Variants in TMTC2 observed in about 807,000 individuals in gnomAD.
TMTC2 encodes the protein transmembrane O-mannosyltransferase targeting cadherins 2.
Under a neutral mutation model 82.4 loss-of-function variants are expected in TMTC2, and 43 were observed. That is an observed-to-expected ratio of 0.52 (90% confidence interval 0.41 to 0.67). The LOEUF (loss-of-function observed/expected upper bound fraction) is 0.67. Ranked by LOEUF, TMTC2 falls within the 30% of genes least tolerant of loss-of-function variation. The pLI, the probability that TMTC2 is intolerant of heterozygous loss-of-function variation, is 0.00. For synonymous variants in TMTC2, 408 were observed against 381.9 expected, an observed-to-expected ratio of 1.07 and a Z score of -0.80; for missense variants, 919 against 1,012.4, an observed-to-expected ratio of 0.91 and a Z score of 1.25.
intron 1 of TMTC2, among the ~76,000 whole-genome samples, chr12:82,774,633 A>AT (rs1211938967): frequency 0.037 from 4,907 of 130,968 alleles, 181 homozygotes; most frequent in African/African-American, 0.089. Flanking sequence ...AAAAAGAACA[A>AT]TTTTTTTTTT....
intron 11 of TMTC2, 52 bp downstream of exon 11, chr12:83,061,883 A>G (rs1293194478): frequency 1.2e-5 from 17 of 1,384,324 alleles, no homozygotes; most frequent in Non-Finnish European, 1.7e-5. Context: ...CTCCAAGCAT[A>G]TGATAGGTGT....
intron 8 of TMTC2, among the ~76,000 whole-genome samples, chr12:82,991,462 A>T (rs1879400663): frequency 6.6e-6 from 1 of 152,190 alleles, no homozygotes; most frequent in Non-Finnish European, 1.5e-5. Flanking sequence ...CATGAACATA[A>T]GACTTCAGTT....
chr12:83,010,666 C>T (rs1042165843), intron 8 of TMTC2, among the ~76,000 whole-genome samples: 31 of 152,086 alleles, frequency 2.0e-4, no homozygotes, highest in Non-Finnish European at 4.4e-4. Context: ...GGATCTAGAC[C>T]AAACCCCTGT....
intron 11 of TMTC2, among the ~76,000 whole-genome samples, chr12:83,109,836 A>AGCAT (rs1884539474): frequency 6.6e-6 from 1 of 152,206 alleles, no homozygotes; most frequent in South Asian, 2.1e-4. Context: ...TGCATCCTGA[A>AGCAT]GCATGAATAA....
At chr12:82,981,216 G>T (rs1878900626) in intron 7 of TMTC2, among the ~76,000 whole-genome samples, 1 of 151,744 alleles carries the variant, frequency 6.6e-6, no homozygotes, top group Non-Finnish European at 1.5e-5. Context: ...TAAAAATTAG[G>T]AAATCTATAC....
intron 10 of TMTC2, among the ~76,000 whole-genome samples, chr12:83,055,806 T>G (rs1186098487): frequency 6.6e-6 from 1 of 151,950 alleles, no homozygotes; most frequent in Non-Finnish European, 1.5e-5. Flanking sequence ...TCTGTCTGCC[T>G]GGCACTATAC....
chr12:82,980,541 A>G (rs1276900802), intron 7 of TMTC2, among the ~76,000 whole-genome samples: 1 of 151,782 alleles, frequency 6.6e-6, no homozygotes, highest in Non-Finnish European at 1.5e-5. Flanking sequence ...TCAGTGTATT[A>G]GGGGCTGGAA....
chr12:83,112,798 A>G (rs1884638344), intron 11 of TMTC2, among the ~76,000 whole-genome samples: 2 of 152,210 alleles, frequency 1.3e-5, no homozygotes, highest in Non-Finnish European at 2.9e-5. Flanking sequence ...GCTTTAGTAT[A>G]GTCAAATATT....
chr12:82,751,650 TAAA>T (rs1876014550), intron 1 of TMTC2, among the ~76,000 whole-genome samples: 1 of 152,166 alleles, frequency 6.6e-6, no homozygotes, highest in South Asian at 2.1e-4. Flanking sequence ...CAATGGCTAA[TAAA>T]GAAATCATGG....
chr12:82,926,378 T>G (rs1875717734), intron 3 of TMTC2, among the ~76,000 whole-genome samples: 2 of 152,170 alleles, frequency 1.3e-5, no homozygotes, highest in Admixed American at 1.3e-4. Flanking sequence ...TCTCTTCAAT[T>G]CTATGAAGGC....
At chr12:83,025,593 A>G (rs988708018) in intron 8 of TMTC2, among the ~76,000 whole-genome samples, 1 of 152,084 alleles carries the variant, frequency 6.6e-6, no homozygotes, top group Non-Finnish European at 1.5e-5. Flanking sequence ...TTAAATTCTG[A>G]CACTAAACAG....
chr12:82,827,644 CTTCT>C lies in TMTC2; in HGVS notation c.84-29359_84-29356del, dbSNP rs146267840. ...CTGTGCTCAGTATAAGGATGAACAT[CTTCT>C]TTCTTTTTTCTTTTCTTTTCTTTTC... On this transcript the variant is annotated intron_variant, in intron 1 of 11. Transcript: ENST00000321196. Among the ~76,000 whole-genome samples, 1,186 of 151,930 alleles carry C rather than the reference CTTCT, an allele frequency of 7.8e-3. 42 individuals carry two copies. Among genetic ancestry groups the C allele is most frequent in the East Asian group, 0.047 (242 of 5,154 alleles).
chr12:82,823,002 GCTT>G (rs1223411085), intron 1 of TMTC2, among the ~76,000 whole-genome samples: 1 of 152,132 alleles, frequency 6.6e-6, no homozygotes, highest in Non-Finnish European at 1.5e-5. Context: ...ATTTAAAAAA[GCTT>G]CTTTGAAAAG....
chr12:82,687,793 G>A, intron 1 of TMTC2, 124 bp downstream of exon 1: 1 of 933,178 alleles, frequency 1.1e-6, no homozygotes, highest in South Asian at 1.6e-5. Flanking sequence ...GATGGTTTAG[G>A]CGACACGTAA....
intron 1 of TMTC2, among the ~76,000 whole-genome samples, chr12:82,806,722 C>A (rs1429762591): frequency 6.6e-6 from 1 of 152,016 alleles, no homozygotes; most frequent in African/African-American, 2.4e-5. Context: ...AAAATATATT[C>A]ATTGTTCATT....
At chr12:82,811,523 GA>G (rs1868390296) in intron 1 of TMTC2, among the ~76,000 whole-genome samples, 1 of 151,866 alleles carries the variant, frequency 6.6e-6, no homozygotes, top group South Asian at 2.1e-4. Flanking sequence ...GAAAGAAATG[GA>G]AAAATCAGTA....
chr12:83,115,935 G>A (rs113097768), intron 11 of TMTC2, among the ~76,000 whole-genome samples: 4 of 151,988 alleles, frequency 2.6e-5, no homozygotes, highest in Admixed American at 6.6e-5. Flanking sequence ...CTACAGGCAC[G>A]TGCCACCATG....
intron 1 of TMTC2, among the ~76,000 whole-genome samples, chr12:82,845,786 A>G (rs766606912): frequency 7.2e-5 from 11 of 152,184 alleles, no homozygotes; most frequent in South Asian, 4.1e-4. Flanking sequence ...GGTATTTCTC[A>G]TATTTTCATG....
At chr12:82,965,425 G>C in intron 5 of TMTC2, 135 bp from the exon 6 acceptor site, 5 of 863,172 alleles carry the variant, frequency 5.8e-6, no homozygotes, top group Non-Finnish European at 8.8e-6. Context: ...GATCCCATGA[G>C]TATTTGTGTC....
Sources: allele counts gnomAD v4.1 joint callset (sites outside exome capture counted in the v4.1 genomes callset), GRCh38; gene constraint gnomAD v4.1.1; transcripts MANE v1.5; gene names NCBI Gene and HGNC (gene_info 2026-07-23, HGNC 2026-07-21).